PKD1: variants seen among roughly 807,000 people sequenced by gnomAD.
PKD1 encodes polycystin-1.
In PKD1, 81 loss-of-function variants were observed where a neutral mutation model predicts 361.7. That is an observed-to-expected ratio of 0.22 (90% CI 0.19 to 0.27). The LOEUF is 0.27. PKD1 is among the 10% of genes least tolerant of loss of function. PKD1 has a pLI of 1.00. For missense variants in PKD1, 6,399 were observed against 6,118.3 expected (o/e 1.05, Z -1.53); for synonymous variants, 3,615 against 2,818.3 (o/e 1.28, Z -8.95).
In PKD1 at chr16:2,104,501, T is replaced by C. The variant is rs1182350007; in HGVS notation, c.8158A>G (p.Thr2720Ala). 3 of 1,524,268 alleles carry C rather than the reference T, an allele frequency of 2.0e-6. No homozygotes were observed. Among genetic ancestry groups the C allele is most frequent in the Admixed American group, 3.8e-5 (2 of 52,082 alleles). 94.4% of individuals were successfully genotyped at this position (1,524,268 alleles called of 1,614,324 possible). ...CATGGGGCACGGGCCGCGGCACCTGTGATGTTGAGGATGCTGTCTCCGATG... is the reference window on the plus strand; with the variant it reads ...CATGGGGCACGGGCCGCGGCACCTGCGATGTTGAGGATGCTGTCTCCGATG... ...TAIGDSILNI[T>A]GDLIHLASSD... Residue 2720 changes from threonine to alanine, a missense_variant, in exon 22 of 46, where the codon ACA (threonine) becomes GCA (alanine). Transcript: ENST00000262304.
chr16:2,111,666 G>A lies in PKD1; in HGVS notation c.3501C>T (p.Ser1167=), dbSNP rs776837307. ...CCGGCTGGCTCTGGGTCAGGACAGG[G>A]GAGCCGTCCCCGAAGTCCCACGTGT... ...VLYTWDFGDG[S]PVLTQSQPAA... is the part of the protein sequence containing the mutation. The change falls in exon 15 of 46, where the codon TCC becomes TCT. Residue 1167 remains serine, a synonymous_variant. Coordinates refer to ENST00000262304, the MANE Select transcript of PKD1 (RefSeq NM_001009944.3). 4.4e-5 allele frequency: 70 copies of A among 1,575,122 alleles called. No homozygotes were observed. Among genetic ancestry groups the A allele is most frequent in the Non-Finnish European group, 5.6e-5 (65 of 1,161,812 alleles).
In PKD1 at chr16:2,108,962, C is replaced by T. The variant is rs148363380; in HGVS notation, c.6205G>A (p.Gly2069Ser). 3.7e-5 allele frequency: 60 copies of T among 1,608,854 alleles called. No homozygotes were observed. The African/African-American group carries it at 4.7e-4, about 13-fold the overall frequency. ...GCCGAGCGGTTGGTGAAGCAGGGGC[C>T]GCTCTGCAGGGCCACATACTGGACG... ...DAVQYVALQS[G>S]PCFTNRSAQF... Residue 2069 changes from glycine (G) to serine (S), a missense_variant, in exon 15 of 46, where the codon GGC becomes AGC. Physicochemically the swap from Gly to Ser is moderately conservative, Grantham distance 56. Coordinates refer to ENST00000262304, the MANE Select transcript of PKD1 (RefSeq NM_001009944.3).
rs139744826 is a variant in PKD1, at chr16:2,111,678, G to A, written c.3489C>T (p.Phe1163=). The change falls in exon 15 of 46, where the codon TTC becomes TTT. Residue 1163 remains phenylalanine, a synonymous_variant. Coordinates refer to ENST00000262304, the MANE Select transcript of PKD1 (RefSeq NM_001009944.3). ...SPGGVLYTWD[F]GDGSPVLTQS... is the part of the protein sequence containing the mutation. Reference sequence around the variant, plus strand: ...GGGTCAGGACAGGGGAGCCGTCCCCGAAGTCCCACGTGTAAAGAACACCCC... The same window carrying A: ...GGGTCAGGACAGGGGAGCCGTCCCCAAAGTCCCACGTGTAAAGAACACCCC... 3,777 of 1,577,442 alleles carry A rather than the reference G, an allele frequency of 2.4e-3. 53 individuals carry two copies. The African/African-American group carries it at 0.039, about 16-fold the overall frequency.
chr16:2,121,409 G>A (rs1390848472), intron 1 of PKD1, among the ~76,000 whole-genome samples: 1 of 151,896 alleles, frequency 6.6e-6, no homozygotes, highest in Non-Finnish European at 1.5e-5. Flanking sequence ...AGGGTGAGAG[G>A]GAGGGAGGAA....
rs769497591 is a variant in PKD1 at position 2,092,957 on chromosome 16, G to A, written c.11153C>T (p.Thr3718Met). 4.3e-6 allele frequency: 7 copies of A among 1,612,878 alleles called. No individual in the cohort carries two copies. Among genetic ancestry groups the A allele is most frequent in the South Asian group, 1.1e-5 (1 of 91,096 alleles). The change falls in exon 38 of 46, where the codon ACG (threonine) becomes ATG (methionine). Residue 3718 changes from threonine (T) to methionine (M), a missense_variant. Transcript: ENST00000262304. ...CCAGTGCACCGGATGCCCGTACCGCGTGATGGCCAGGAAGGCCCGGCTGTG... is the reference window on the plus strand; with the variant it reads ...CCAGTGCACCGGATGCCCGTACCGCATGATGGCCAGGAAGGCCCGGCTGTG... ...ELHSRAFLAITRSEELWPWMA... is the reference protein window; with the variant it reads ...ELHSRAFLAIMRSEELWPWMA...
rs13334842 is a variant in PKD1, at chr16:2,118,389, G to A, written c.603C>T (p.His201=). Residue 201 remains histidine, a synonymous_variant, in exon 5 of 46, where the codon CAC becomes CAT. Coordinates refer to ENST00000262304, the MANE Select transcript of PKD1 (RefSeq NM_001009944.3). This position sits in a 1 kb window ranked among gnomAD's most constrained non-coding sequence, Gnocchi z 6.0. The stretch of plus-strand genomic sequence containing the variant: ...AGGCCTCTGGCTGAAGCAGGCCTTC[G>A]TGGGCAGCTGAAAAGGACACTGCTG... ...TVAAVSFSAA[H]EGLLQPEACS... 1.1e-3 allele frequency: 1,408 copies of A among 1,244,782 alleles called. 20 individuals carry two copies. In the African/African-American group the frequency reaches 0.019, roughly 17 times the overall value. The allele number at this position is 1,244,782 out of a possible 1,614,324, so 77.1% of individuals were successfully genotyped here. A position where few individuals can be genotyped will look rare whatever the true frequency, so the allele number is the denominator to read the frequency against.
chr16:2,109,064 G>T lies in PKD1; in HGVS notation c.6103C>A (p.Leu2035Met). The change falls in exon 15 of 46, where the codon CTG becomes ATG. Residue 2035 changes from leucine (L) to methionine (M), a missense_variant. By Grantham distance (15) the Leu-to-Met change is conservative (BLOSUM62 2). Coordinates refer to ENST00000262304, the MANE Select transcript of PKD1 (RefSeq NM_001009944.3). Reference sequence around the variant, plus strand: ...AAGGCGCGCACCTGGATCTCCAACAGCCCCGCGGCCACGGGCGTGTAGGTG... The same window carrying T: ...AAGGCGCGCACCTGGATCTCCAACATCCCCGCGGCCACGGGCGTGTAGGTG... ...DVTYTPVAAG[L>M]LEIQVRAFNA... The T allele has an allele frequency of 6.2e-7, 1 of 1,606,240 alleles. No individual in the cohort carries two copies.
rs376095336 is a variant in PKD1, at chr16:2,090,373, C to T, written c.12356G>A (p.Arg4119Gln). The T allele has an allele frequency of 5.0e-6, 8 of 1,612,542 alleles. No individual in the cohort carries two copies. The highest frequency in any genetic ancestry group is 5.9e-6 in the Non-Finnish European group (7 of 1,179,924). The change falls in exon 45 of 46, where the codon CGG becomes CAG. Residue 4119 changes from arginine (R) to glutamine (Q), a missense_variant. Arg to Gln is a conservative substitution (Grantham distance 43). Transcript: ENST00000262304. ...GTAGTCCTGGGGCTCCCAGGCCGGC[C>T]GGTACAGCTCTCCACGCAAGGCGTG... The part of the protein sequence containing the change: ...RYHALRGELY[R>Q]PAWEPQDYEM...
At chr16:2,112,579 C>T (rs2092543769) in intron 13 of PKD1, 106 bp from the exon 14 acceptor site, 9 of 1,099,972 alleles carry the variant, frequency 8.2e-6, no homozygotes, top group South Asian at 2.8e-5. Flanking sequence ...AGTCACGCCC[C>T]GGGCCTCCAT....
rs746306247 is a variant in PKD1, at chr16:2,092,505, C to A, written c.11244G>T (p.Arg3748=). Residue 3748 remains arginine, a synonymous_variant, in exon 39 of 46, where the codon CGG becomes CGT. Transcript: ENST00000262304. ...NQSSPELGPP[R]LRQVRLQEAL... ...CTTCCTGCAGCCGCACCTGCCGCAGCCGTGGGGGCCCCAGCTCTGGGCTGG... is the reference window on the plus strand; with the variant it reads ...CTTCCTGCAGCCGCACCTGCCGCAGACGTGGGGGCCCCAGCTCTGGGCTGG... 1.6e-5 allele frequency: 25 copies of A among 1,611,664 alleles called. No homozygotes were observed. Among genetic ancestry groups the A allele is most frequent in the Non-Finnish European group, 2.0e-5 (23 of 1,179,098 alleles).
In PKD1 at chr16:2,100,818, G is replaced by C. The variant is rs1446902132; in HGVS notation, c.9398-252C>G. On this transcript the variant is annotated intron_variant, in intron 26 of 45. Coordinates refer to ENST00000262304, the MANE Select transcript of PKD1 (RefSeq NM_001009944.3). The surrounding 1 kb of genome is among the most constrained non-coding windows in gnomAD (Gnocchi z 4.4). ...GTGACATGCAAACATGGCTGCACAC[G>C]CCTCAGTCCACACCACAACCAGTGA... 4 of 543,458 alleles carry C rather than the reference G, an allele frequency of 7.4e-6. No individual in the cohort carries two copies. Among genetic ancestry groups the C allele is most frequent in the Non-Finnish European group, 1.3e-5 (4 of 299,688 alleles). 33.7% of individuals were successfully genotyped at this position (543,458 alleles called of 1,614,324 possible).
chr16:2,106,938 C>T lies in PKD1; in HGVS notation c.7076G>A (p.Arg2359Gln), dbSNP rs781566219. 32 of 1,585,112 alleles carry T rather than the reference C, an allele frequency of 2.0e-5. 1 individual carries two copies. The highest frequency in any genetic ancestry group is 1.6e-4 in the African/African-American group (12 of 72,958). The change falls in exon 17 of 46, where the codon CGG becomes CAG. Residue 2359 changes from arginine to glutamine, a missense_variant. Transcript: ENST00000262304. The surrounding 1 kb of genome is among the most constrained non-coding windows in gnomAD (Gnocchi z 6.5). ...GGACACAATGGGCACCCGGCCACTC[C>T]GGATCAGCACCTGGCGTGGGAGTGG... ...EEATNQTVLI[R>Q]SGRVPIVSLE...
rs9928278 is a variant in PKD1, at chr16:2,102,650, T to G, written c.8949-17A>C. 1 of 1,610,516 alleles carries G rather than the reference T, an allele frequency of 6.2e-7. No homozygotes were observed. The highest frequency in any genetic ancestry group is 8.5e-7 in the Non-Finnish European group (1 of 1,179,692). On this transcript the variant is annotated splice_polypyrimidine_tract_variant and intron_variant, in intron 24 of 45. Coordinates refer to ENST00000262304, the MANE Select transcript of PKD1 (RefSeq NM_001009944.3). ...TCTCTGCTCCTGGGCAGGGAAGGGG[T>G]AGCGGACGTGAGCCCAGGCTCCGCC...
In PKD1 at chr16:2,104,535, C is replaced by T. The variant is rs780679314; in HGVS notation, c.8124G>A (p.Thr2708=). 140 of 1,571,860 alleles carry T rather than the reference C, an allele frequency of 8.9e-5. No individual in the cohort carries two copies. Among genetic ancestry groups the T allele is most frequent in the Non-Finnish European group, 1.1e-4 (126 of 1,158,596 alleles). The change falls in exon 22 of 46, where the codon ACG becomes ACA. Residue 2708 remains threonine, a synonymous_variant. Transcript: ENST00000262304. ...LQAETTAGTV[T]PTAIGDSILN... is the part of the protein sequence containing the mutation. Reference sequence around the variant, plus strand: ...GGATGCTGTCTCCGATGGCGGTGGGCGTCACGGTGCCCGCGGTGGTCTCTG... The same window carrying T: ...GGATGCTGTCTCCGATGGCGGTGGGTGTCACGGTGCCCGCGGTGGTCTCTG...
intron 1 of PKD1, among the ~76,000 whole-genome samples, chr16:2,124,442 G>C (rs1018436754): frequency 6.6e-6 from 1 of 152,264 alleles, no homozygotes; most frequent in Non-Finnish European, 1.5e-5. Context: ...GGGCCGGGAA[G>C]TCTTGGGGCT....
At chr16:2,093,324 G>A in intron 37 of PKD1, 2 of 678,608 alleles carry the variant, frequency 2.9e-6, no homozygotes, top group South Asian at 1.9e-5. Context: ...GGCCTTCAGG[G>A]CCAGGCAGGA....
At position 2,107,914 on chromosome 16, in the gene PKD1, G is replaced by A. The variant is rs769636582; in HGVS notation, c.7034C>T (p.Ala2345Val). ...GTTGGTGGCCTCCTCCTTGCGGCCG[G>A]CCTTCCACACGGTCAGGCTGAAGGT... ...EYTFSLTVWK[A>V]GRKEEATNQT... Residue 2345 changes from alanine to valine, a missense_variant, in exon 16 of 46, where the codon GCC becomes GTC. Transcript: ENST00000262304. The A allele has an allele frequency of 1.8e-4, 275 of 1,545,232 alleles. 1 individual carries two copies. Among genetic ancestry groups the A allele is most frequent in the Non-Finnish European group, 2.1e-4 (241 of 1,146,652 alleles).
chr16:2,106,528 G>C lies in PKD1; in HGVS notation c.7359C>G (p.Arg2453=), dbSNP rs1298299416. ...GYTFTLTVLG[R]SGEEEGCASI... is the part of the protein sequence containing the mutation. ...AGGCGCAGCCCTCCTCCTCGCCAGA[G>C]CGGCCCAGCACCGTGAGCGTGAAGG... Residue 2453 remains arginine (R), a synonymous_variant, in exon 18 of 46, where the codon CGC becomes CGG. Coordinates refer to ENST00000262304, the MANE Select transcript of PKD1 (RefSeq NM_001009944.3). The surrounding 1 kb of genome is among the most constrained non-coding windows in gnomAD (Gnocchi z 6.5). 1 of 1,596,204 alleles carries C rather than the reference G, an allele frequency of 6.3e-7. No individual in the cohort carries two copies. The highest frequency in any genetic ancestry group is 8.5e-7 in the Non-Finnish European group (1 of 1,179,026).
At chr16:2,133,837 C>A (rs1481713358) in intron 1 of PKD1, among the ~76,000 whole-genome samples, 2 of 151,874 alleles carry the variant, frequency 1.3e-5, no homozygotes, top group Non-Finnish European at 2.9e-5. Flanking sequence ...CCCCCTCCTC[C>A]AAACCCCAGG....
Sources: allele counts gnomAD v4.1 joint callset (sites outside exome capture counted in the v4.1 genomes callset), GRCh38; gene constraint gnomAD v4.1.1; non-coding constraint Gnocchi (gnomAD v3.1); transcripts MANE v1.5; gene names NCBI Gene and HGNC (gene_info 2026-07-23, HGNC 2026-07-21).